The following AMPH variants were observed in gnomAD, a reference collection of about 807,000 sequenced individuals.
AMPH encodes amphiphysin (Stiff-Mann syndrome with breast cancer 128kD autoantigen).
A neutral mutation model predicts 99.1 loss-of-function variants in AMPH; 49 were observed. The ratio of observed to expected loss-of-function variants is 0.49; its 90% CI spans 0.39 to 0.63. The LOEUF is 0.63. Ranked by LOEUF, AMPH falls within the 20% of genes least tolerant of loss-of-function variation. The probability of loss-of-function intolerance (pLI) is 0.00; values close to 1 mark genes in which losing one functional copy is unlikely to be tolerated. For synonymous variants in AMPH, 314 were observed against 317.3 expected (o/e 0.99, Z 0.11); for missense variants, 759 against 863.4 (o/e 0.88, Z 1.52).
Position 38,519,405 on chromosome 7 carries a change from C to T in AMPH, c.150+15526G>A, listed in dbSNP as rs73694533. ...AAACTCATAATTACAAAAGAAGTTTCTCATACCAATTAATTGATATCAATT... is the reference window on the plus strand; with the variant it reads ...AAACTCATAATTACAAAAGAAGTTTTTCATACCAATTAATTGATATCAATT... On this transcript the variant is annotated intron_variant, in intron 2 of 20. Coordinates refer to ENST00000356264, the MANE Select transcript of AMPH (RefSeq NM_001635.4). Among the ~76,000 whole-genome samples the T allele has an allele frequency of 2.1e-3, 313 of 152,258 alleles. 1 individual carries two copies. The highest frequency in any genetic ancestry group is 7.2e-3 in the African/African-American group (300 of 41,538).
chr7:38,477,055 G>A, intron 5 of AMPH, 86 bp from the exon 6 acceptor site: 2 of 1,130,460 alleles, frequency 1.8e-6, no homozygotes, highest in Admixed American at 3.6e-5. Flanking sequence ...TGCTTTCCTT[G>A]GCCAGAGCTG....
intron 2 of AMPH, among the ~76,000 whole-genome samples, chr7:38,515,712 T>C (rs1789713699): frequency 6.6e-6 from 1 of 152,102 alleles, no homozygotes; most frequent in South Asian, 2.1e-4. Context: ...GTTGGAAGAA[T>C]GTGGAGGGCT....
intron 17 of AMPH, among the ~76,000 whole-genome samples, chr7:38,398,985 C>CAA (rs139152622): frequency 0.058 from 8,841 of 151,874 alleles, 359 homozygotes; most frequent in East Asian, 0.19. Context: ...AGCACCTCAG[C>CAA]TGTGATTTTT....
At chr7:38,627,021 A>G (rs1157129774) in intron 1 of AMPH, among the ~76,000 whole-genome samples, 1 of 152,150 alleles carries the variant, frequency 6.6e-6, no homozygotes, top group African/African-American at 2.4e-5. Context: ...TTTGCCACCC[A>G]GTGTCCACTC....
At chr7:38,437,018 C>T (rs1394403985) in intron 11 of AMPH, among the ~76,000 whole-genome samples, 1 of 152,084 alleles carries the variant, frequency 6.6e-6, no homozygotes, top group East Asian at 1.9e-4. Flanking sequence ...AGCCATGCCT[C>T]CCAACATTTG....
At chr7:38,587,930 G>C (rs907657976) in intron 1 of AMPH, among the ~76,000 whole-genome samples, 1 of 148,784 alleles carries the variant, frequency 6.7e-6, no homozygotes, top group Non-Finnish European at 1.5e-5. Flanking sequence ...GTGTGTGTGT[G>C]TGTGTGTGTG....
At chr7:38,496,360 G>C (rs1462609075) in intron 3 of AMPH, among the ~76,000 whole-genome samples, 1 of 152,144 alleles carries the variant, frequency 6.6e-6, no homozygotes, top group Non-Finnish European at 1.5e-5. Flanking sequence ...TTTAGACACA[G>C]CCAACATCTC....
intron 1 of AMPH, among the ~76,000 whole-genome samples, chr7:38,610,333 AAAAAGAAAAG>A (rs199614522): frequency 0.012 from 362 of 29,810 alleles, 24 homozygotes; most frequent in East Asian, 0.018. Context: ...AAAGAAAAGA[AAAAAGAAAAG>A]AAAAGAAAAG....
intron 5 of AMPH, among the ~76,000 whole-genome samples, chr7:38,489,319 T>A (rs957037340): frequency 3.3e-5 from 5 of 151,988 alleles, no homozygotes; most frequent in African/African-American, 1.2e-4. Flanking sequence ...GACCTTTATC[T>A]TATACCATAC....
At chr7:38,471,452 C>G (rs1787883669) in intron 7 of AMPH, among the ~76,000 whole-genome samples, 1 of 152,108 alleles carries the variant, frequency 6.6e-6, no homozygotes, top group African/African-American at 2.4e-5. Context: ...ACCTGCATCC[C>G]CCTCTAAGCA....
At chr7:38,461,174 A>T in intron 11 of AMPH, 109 bp downstream of exon 11, 1 of 1,283,226 alleles carries the variant, frequency 7.8e-7, no homozygotes, top group Non-Finnish European at 1.1e-6. Flanking sequence ...AATGACAATT[A>T]AAATTATGTT....
At position 38,394,000 on chromosome 7, in the gene AMPH, C is replaced by T. The variant is rs1784592234; in HGVS notation, c.1608+5G>A. On this transcript the variant is annotated splice_donor_5th_base_variant and intron_variant, in intron 18 of 20. Coordinates refer to ENST00000356264, the MANE Select transcript of AMPH (RefSeq NM_001635.4). ...GCTCCCCTGGCTGCGACATGGGACA[C>T]TCACCTGAGGCACTGTTGCTTCGAG... 3.7e-6 allele frequency: 6 copies of T among 1,614,212 alleles called. No homozygotes were observed. The highest frequency in any genetic ancestry group is 1.7e-5 in the Admixed American group (1 of 60,034).
At position 38,432,176 on chromosome 7, in the gene AMPH, A is replaced by AT. The variant is rs1342595502; in HGVS notation, c.1158+12dup. 1.9e-6 allele frequency: 3 copies of AT among 1,610,206 alleles called. No individual in the cohort carries two copies. In the Admixed American group the frequency reaches 5.0e-5, roughly 27 times the overall value. On this transcript the variant is annotated intron_variant, in intron 13 of 20. Coordinates refer to ENST00000356264, the MANE Select transcript of AMPH (RefSeq NM_001635.4). ...TCAAGATACATGAAAAAACAGAGTT[A>AT]TTAGTGGCTTACCGTCCATAGGTCC...
chr7:38,396,780 T>A (rs1784683392), intron 17 of AMPH, among the ~76,000 whole-genome samples: 1 of 152,230 alleles, frequency 6.6e-6, no homozygotes, highest in African/African-American at 2.4e-5. Context: ...GAACATAAAT[T>A]AGTAGGGCAT....
At chr7:38,392,278 T>C (rs78690559) in intron 18 of AMPH, among the ~76,000 whole-genome samples, 2 of 150,984 alleles carry the variant, frequency 1.3e-5, no homozygotes, top group African/African-American at 4.9e-5. Flanking sequence ...TCGGTGGGAA[T>C]TGGGAGGAGG....
intron 11 of AMPH, among the ~76,000 whole-genome samples, chr7:38,449,132 T>C (rs2284251): frequency 0.057 from 8,629 of 152,222 alleles, 636 homozygotes; most frequent in East Asian, 0.35. Context: ...TCATGGTATT[T>C]ACCAATAATG....
chr7:38,580,232 A>G (rs1429085362), intron 1 of AMPH, among the ~76,000 whole-genome samples: 1 of 152,198 alleles, frequency 6.6e-6, no homozygotes, highest in Non-Finnish European at 1.5e-5. Flanking sequence ...AAATATAAAT[A>G]GTAAAGCTTC....
chr7:38,388,305 G>T (rs1784399648), intron 20 of AMPH, among the ~76,000 whole-genome samples: 1 of 152,052 alleles, frequency 6.6e-6, no homozygotes, highest in Admixed American at 6.5e-5. Flanking sequence ...TCTTTGAGAT[G>T]TGTGATGCTG....
chr7:38,569,314 C>A (rs939947917), intron 1 of AMPH, among the ~76,000 whole-genome samples: 1 of 150,422 alleles, frequency 6.6e-6, no homozygotes, highest in East Asian at 1.9e-4. Flanking sequence ...ATGCAATTTA[C>A]AATCATAAAA....
Sources: gnomAD v4.1 joint callset for allele counts (sites outside exome capture counted in the v4.1 genomes callset) on GRCh38, gnomAD v4.1.1 for gene constraint, MANE v1.5 for transcripts, NCBI Gene and HGNC (gene_info 2026-07-23, HGNC 2026-07-21) for gene names.